CNTNAP2: variants seen among roughly 807,000 people sequenced by gnomAD.
The protein encoded by CNTNAP2 is contactin associated protein 2.
A neutral mutation model predicts 155.2 loss-of-function variants in CNTNAP2; 98 were observed. That is an observed-to-expected ratio of 0.63 (90% CI 0.54 to 0.75). The LOEUF (loss-of-function observed/expected upper bound fraction) is 0.75, where lower values mean the gene tolerates loss of function less well. Among genes scored for constraint, CNTNAP2 ranks in the 30% least tolerant of loss-of-function variants. The pLI is 0.00. For synonymous variants in CNTNAP2, 651 were observed against 631.2 expected (o/e 1.03, Z -0.47); for missense variants, 1,727 against 1,688.1 (o/e 1.02, Z -0.40).
intron 13 of CNTNAP2, among the ~76,000 whole-genome samples, chr7:147,795,176 T>A (rs1172100627): frequency 1.3e-5 from 2 of 152,046 alleles, no homozygotes; most frequent in Non-Finnish European, 2.9e-5. Flanking sequence ...AGATGCTGTT[T>A]GCATGACATG....
chr7:146,834,064 G>A (rs1803567998), intron 2 of CNTNAP2, among the ~76,000 whole-genome samples: 1 of 151,860 alleles, frequency 6.6e-6, no homozygotes, highest in African/African-American at 2.4e-5. Context: ...ATTAAAGGTA[G>A]TTCTAACCCT....
At chr7:146,731,137 A>G (rs1801518440) in intron 1 of CNTNAP2, among the ~76,000 whole-genome samples, 1 of 152,174 alleles carries the variant, frequency 6.6e-6, no homozygotes. Context: ...GTGAATGGCA[A>G]CTGAGACTGA....
At chr7:146,342,662 T>C (rs1442154509) in intron 1 of CNTNAP2, among the ~76,000 whole-genome samples, 2 of 152,194 alleles carry the variant, frequency 1.3e-5, no homozygotes, top group Non-Finnish European at 2.9e-5. Context: ...GAATAAGGTG[T>C]ATCTATGTAA....
At chr7:148,300,576 G>GAAAAAAAAAAAAAAAAAA (rs71188963) in intron 21 of CNTNAP2, among the ~76,000 whole-genome samples, 1 of 126,576 alleles carries the variant, frequency 7.9e-6, no homozygotes, top group African/African-American at 3.0e-5. Flanking sequence ...GGCTAAGCAG[G>GAAAAAAAAAAAAAAAAAA]AAAAAAAAAA....
chr7:147,729,232 G>A (rs970007396), intron 13 of CNTNAP2, among the ~76,000 whole-genome samples: 3 of 151,542 alleles, frequency 2.0e-5, no homozygotes, highest in Admixed American at 6.6e-5. Context: ...CACTGCACCC[G>A]GGAGGAAGAA....
intron 1 of CNTNAP2, among the ~76,000 whole-genome samples, chr7:146,523,687 G>A (rs1026131208): frequency 3.3e-5 from 5 of 152,014 alleles, no homozygotes; most frequent in Admixed American, 1.3e-4. Flanking sequence ...TTTCTAATAC[G>A]TCTTTTGACC....
At chr7:147,435,533 C>T (rs1563203099) in intron 10 of CNTNAP2, among the ~76,000 whole-genome samples, 1 of 152,212 alleles carries the variant, frequency 6.6e-6, no homozygotes, top group Non-Finnish European at 1.5e-5. Context: ...TCTTCATACA[C>T]AAGAATGTTT....
intron 1 of CNTNAP2, among the ~76,000 whole-genome samples, chr7:146,527,149 T>C (rs1413094569): frequency 6.6e-6 from 1 of 152,178 alleles, no homozygotes; most frequent in African/African-American, 2.4e-5. Flanking sequence ...GCCTTTATTT[T>C]ACTTGTCCAA....
intron 12 of CNTNAP2, among the ~76,000 whole-genome samples, chr7:147,615,215 A>G (rs541275992): frequency 2.3e-5 from 2 of 87,758 alleles, no homozygotes; most frequent in Non-Finnish European, 4.5e-5. Context: ...AGTGAGCTAT[A>G]ATCATGCCAC....
At chr7:146,543,780 T>A (rs1797988798) in intron 1 of CNTNAP2, among the ~76,000 whole-genome samples, 2 of 152,074 alleles carry the variant, frequency 1.3e-5, no homozygotes, top group Middle Eastern at 3.4e-3. Flanking sequence ...AAACCTCAAT[T>A]TTTACTGCTT....
At chr7:147,404,891 G>T (rs1796979923) in intron 10 of CNTNAP2, among the ~76,000 whole-genome samples, 1 of 152,040 alleles carries the variant, frequency 6.6e-6, no homozygotes, top group African/African-American at 2.4e-5. Context: ...ATACTAGAGT[G>T]ACAAAAACAT....
chr7:148,402,915 A>G (rs896578108), intron 22 of CNTNAP2, among the ~76,000 whole-genome samples: 4 of 150,866 alleles, frequency 2.7e-5, no homozygotes, highest in Non-Finnish European at 5.9e-5. Context: ...AGATATTTCA[A>G]TTTATTTTTA....
chr7:146,281,535 G>A (rs532553422), intron 1 of CNTNAP2, among the ~76,000 whole-genome samples: 26 of 152,246 alleles, frequency 1.7e-4, no homozygotes, highest in Admixed American at 5.9e-4. Flanking sequence ...AGTGGCTCAC[G>A]CCTGTAATCC....
intron 1 of CNTNAP2, among the ~76,000 whole-genome samples, chr7:146,151,750 C>CT (rs1798056667): frequency 7.4e-6 from 1 of 134,322 alleles, no homozygotes; most frequent in Non-Finnish European, 1.6e-5. Flanking sequence ...ACTATTCAGC[C>CT]TTTTTTAAAA....
chr7:147,293,211 A>G (rs1198806746), intron 8 of CNTNAP2, among the ~76,000 whole-genome samples: 1 of 152,214 alleles, frequency 6.6e-6, no homozygotes, highest in Non-Finnish European at 1.5e-5. Context: ...TAACTTTACA[A>G]TAAGGCATTT....
chr7:146,786,004 G>A (rs1425845868), intron 2 of CNTNAP2, among the ~76,000 whole-genome samples: 1 of 152,102 alleles, frequency 6.6e-6, no homozygotes. Flanking sequence ...ATGAAGGCCA[G>A]GAAAGAATAG....
intron 1 of CNTNAP2, among the ~76,000 whole-genome samples, chr7:146,708,413 G>C (rs1801003794): frequency 6.6e-6 from 1 of 151,404 alleles, no homozygotes; most frequent in African/African-American, 2.4e-5. Flanking sequence ...TCTCTCTTAG[G>C]AGACTTTTGC....
intron 15 of CNTNAP2, among the ~76,000 whole-genome samples, chr7:148,110,469 G>A (rs867544111): frequency 4.7e-5 from 7 of 149,310 alleles, no homozygotes; most frequent in African/African-American, 1.5e-4. Context: ...TACCACCCGC[G>A]CCAATGCTTC....
intron 1 of CNTNAP2, among the ~76,000 whole-genome samples, chr7:146,340,820 GA>G (rs1801370108): frequency 6.6e-6 from 1 of 152,096 alleles, no homozygotes; most frequent in African/African-American, 2.4e-5. Context: ...GCTAAAATAA[GA>G]TTTAATTCTG....
Sources: gnomAD v4.1 joint callset for allele counts (sites outside exome capture counted in the v4.1 genomes callset) on GRCh38, gnomAD v4.1.1 for gene constraint, MANE v1.5 for transcripts, NCBI Gene and HGNC (gene_info 2026-07-23, HGNC 2026-07-21) for gene names.